NAP1L1: variants seen among roughly 807,000 people sequenced by gnomAD.
NAP1L1 encodes the protein nucleosome assembly protein 1 like 1, also known as nucleosome assembly protein 1-like 1.
A neutral mutation model predicts 58.9 loss-of-function variants in NAP1L1; 9 were observed. The observed-to-expected ratio is 0.15, with a 90% CI of 0.09 to 0.27. NAP1L1 has a LOEUF of 0.27. Among genes scored for constraint, NAP1L1 ranks in the 10% least tolerant of loss-of-function variants. NAP1L1 has a pLI of 1.00. For missense variants in NAP1L1, 302 were observed against 458.8 expected (o/e 0.66, Z 3.12); for synonymous variants, 130 against 138.3 (o/e 0.94, Z 0.42).
intron 4 of NAP1L1, among the ~76,000 whole-genome samples, chr12:76,063,720 C>T (rs980670615): frequency 7.3e-5 from 11 of 151,664 alleles, no homozygotes; most frequent in African/African-American, 2.2e-4. Flanking sequence ...TCACTTGAGC[C>T]GAAGGATGAG....
chr12:76,058,205 ATATATATATATATATATATG>A (rs1053619736), intron 6 of NAP1L1: 50 of 132,248 alleles, frequency 3.8e-4, no homozygotes, highest in African/African-American at 1.3e-3. Flanking sequence ...ATATATATAT[ATATATATATATATATATATG>A]TATTCTACAG....
rs1417923703 is a variant in NAP1L1 at position 76,045,424 on chromosome 12, CTACAAT to C, written c.*2999_*3004del. 6.6e-6 allele frequency: 1 copy of C among 151,922 alleles called. No homozygotes were observed. Among genetic ancestry groups the C allele is most frequent in the East Asian group, 1.9e-4 (1 of 5,200 alleles). 9.4% of individuals were successfully genotyped at this position (151,922 alleles called of 1,614,324 possible). A position where few individuals can be genotyped will look rare whatever the true frequency, so the allele number is the denominator to read the frequency against. On this transcript the variant is annotated 3_prime_UTR_variant, in exon 15 of 15. Transcript: ENST00000618691. ...CTTTATTTTTAATAATGGGAATGGC[CTACAAT>C]TACAATAAACAATTAATTCAGTTAT...
chr12:76,063,363 G>C (rs1949505031), intron 4 of NAP1L1, among the ~76,000 whole-genome samples: 1 of 152,164 alleles, frequency 6.6e-6, no homozygotes, highest in Non-Finnish European at 1.5e-5. Context: ...TTTGGAACCA[G>C]AAGGCGACTT....
chr12:76,053,590 G>A (rs1027548707), intron 9 of NAP1L1, among the ~76,000 whole-genome samples, 180 bp downstream of exon 9: 2 of 152,166 alleles, frequency 1.3e-5, no homozygotes, highest in Admixed American at 6.5e-5. Flanking sequence ...AAATATATGT[G>A]AGACAGTCAT....
intron 1 of NAP1L1, among the ~76,000 whole-genome samples, chr12:76,082,273 A>C (rs1950435885): frequency 6.6e-6 from 1 of 152,350 alleles, no homozygotes. Flanking sequence ...GAGAATTTAG[A>C]ATCAACTCAG....
intron 4 of NAP1L1, 112 bp downstream of exon 4, chr12:76,067,259 A>G (rs567825464): frequency 2.6e-6 from 2 of 784,300 alleles, no homozygotes; most frequent in Non-Finnish European, 2.1e-6. Context: ...CTGGATACTA[A>G]CAGACAATAG....
rs78503602 is a variant in NAP1L1, at chr12:76,042,140, T to C, written c.*6289A>G. 244 of 152,328 alleles carry C rather than the reference T, an allele frequency of 1.6e-3. 1 individual carries two copies. The highest frequency in any genetic ancestry group is 5.6e-3 in the African/African-American group (233 of 41,572). 9.4% of individuals were successfully genotyped at this position (152,328 alleles called of 1,614,324 possible). A position where few individuals can be genotyped will look rare whatever the true frequency, so the allele number is the denominator to read the frequency against. ...TCCAGTCTTAGTCTCAGTGTTCTTA[T>C]GTACACTGAGTAATGCATCCCTTAC... On this transcript the variant is annotated 3_prime_UTR_variant, in exon 15 of 15. Transcript: ENST00000618691.
chr12:76,062,611 A>G (rs1474301334), intron 4 of NAP1L1, among the ~76,000 whole-genome samples: 3 of 152,260 alleles, frequency 2.0e-5, no homozygotes, highest in African/African-American at 7.2e-5. Flanking sequence ...GAAAAATACA[A>G]TAACTAAAAT....
intron 2 of NAP1L1, 175 bp downstream of exon 2, chr12:76,074,028 A>G: frequency 1.8e-6 from 1 of 542,478 alleles, no homozygotes. Flanking sequence ...AAATATGCTA[A>G]TGATCATATA....
chr12:76,059,950 A>C (rs1442904922), intron 5 of NAP1L1, 72 bp from the exon 6 acceptor site: 1 of 1,312,628 alleles, frequency 7.6e-7, no homozygotes, highest in Non-Finnish European at 1.1e-6. Flanking sequence ...GTTTCTCACT[A>C]AGAAGTCTTA....
In NAP1L1 at chr12:76,039,794, T is replaced by C. The variant is rs1948533224; in HGVS notation, c.*8635A>G. On this transcript the variant is annotated 3_prime_UTR_variant, in exon 15 of 15. Coordinates refer to ENST00000618691, the MANE Select transcript of NAP1L1 (RefSeq NM_004537.7). ...AATTAATATTCTCAATCAAGTATGA[T>C]TAAGGCATTATTTTTATTATCTTAA... The C allele has an allele frequency of 6.6e-6, 1 of 152,230 alleles. No individual in the cohort carries two copies. The allele number at this position is 152,230 out of a possible 1,614,324, so 9.4% of individuals were successfully genotyped here. A position where few individuals can be genotyped will look rare whatever the true frequency, so the allele number is the denominator to read the frequency against.
chr12:76,049,302 T>C (rs768963192), intron 13 of NAP1L1, 52 bp from the exon 14 acceptor site: 16 of 1,611,478 alleles, frequency 9.9e-6, no homozygotes, highest in Non-Finnish European at 1.4e-5. Flanking sequence ...GTAGGTAAAC[T>C]GGCTCATAAT....
At chr12:76,055,125 T>C (rs1949021982) in intron 7 of NAP1L1, 35 bp from the exon 8 acceptor site, 3 of 1,451,186 alleles carry the variant, frequency 2.1e-6, no homozygotes, top group Non-Finnish European at 2.8e-6. Context: ...ATGAATAACA[T>C]GGCATTCGAG....
intron 9 of NAP1L1, 103 bp downstream of exon 9, chr12:76,053,667 G>C: frequency 5.2e-6 from 7 of 1,352,220 alleles, no homozygotes; most frequent in Non-Finnish European, 6.0e-6. Context: ...AAAATGTTCA[G>C]AGACAGACTA....
At chr12:76,080,913 G>C (rs1455578910) in intron 1 of NAP1L1, among the ~76,000 whole-genome samples, 2 of 151,978 alleles carry the variant, frequency 1.3e-5, no homozygotes, top group Non-Finnish European at 2.9e-5. Context: ...TTTCCCACCA[G>C]GGGAGCTGGA....
chr12:76,052,186 C>G (rs898849387), intron 11 of NAP1L1, among the ~76,000 whole-genome samples: 3 of 151,884 alleles, frequency 2.0e-5, no homozygotes, highest in Admixed American at 6.6e-5. Flanking sequence ...GGGAGGAATT[C>G]AAACCACAGG....
chr12:76,058,225 GTAT>G, intron 6 of NAP1L1: 4 of 206,184 alleles, frequency 1.9e-5, no homozygotes, highest in Non-Finnish European at 2.9e-5. Flanking sequence ...ATATATATAT[GTAT>G]TCTACAGTAA....
At position 76,037,175 on chromosome 12, in the gene NAP1L1, T is replaced by C. The variant is rs1871065753; in HGVS notation, c.*11254A>G. The stretch of plus-strand genomic sequence containing the variant: ...TATTCAGAAGAAATATTCTAGATTC[T>C]AGTTTCCAAAAGTCCTTGAGTTGAA... On this transcript the variant is annotated 3_prime_UTR_variant, in exon 15 of 15. Transcript: ENST00000618691. 1 of 152,252 alleles carries C rather than the reference T, an allele frequency of 6.6e-6. No individual in the cohort carries two copies. 9.4% of individuals were successfully genotyped at this position (152,252 alleles called of 1,614,324 possible).
intron 4 of NAP1L1, 124 bp from the exon 5 acceptor site, chr12:76,060,403 G>T: frequency 1.1e-6 from 1 of 892,926 alleles, no homozygotes; most frequent in Non-Finnish European, 1.7e-6. Flanking sequence ...GCAAAAGGTA[G>T]ATTCAAAGTA....
Sources: allele counts gnomAD v4.1 joint callset (sites outside exome capture counted in the v4.1 genomes callset), GRCh38; gene constraint gnomAD v4.1.1; transcripts MANE v1.5; gene names NCBI Gene and HGNC (gene_info 2026-07-23, HGNC 2026-07-21).